The following PLXDC2 variants were observed in gnomAD, a reference collection of about 807,000 sequenced individuals.
The protein encoded by PLXDC2 is plexin domain containing 2.
Under a neutral mutation model 68.9 loss-of-function variants are expected in PLXDC2, and 40 were observed. That is an observed-to-expected ratio of 0.58 (90% CI 0.45 to 0.76). The LOEUF is 0.76. Ranked by LOEUF, PLXDC2 falls within the 30% of genes least tolerant of loss-of-function variation. The pLI is 0.00. For synonymous variants in PLXDC2, 243 were observed against 234.2 expected (o/e 1.04, Z -0.34); for missense variants, 644 against 661.9 (o/e 0.97, Z 0.30).
chr10:20,019,192 C>A (rs1415578504), intron 2 of PLXDC2, among the ~76,000 whole-genome samples: 4 of 152,138 alleles, frequency 2.6e-5, no homozygotes, highest in African/African-American at 7.2e-5. Context: ...GTTTTAGGGG[C>A]AAACTTTGAC....
At chr10:19,841,448 AG>A (rs1836903349) in intron 1 of PLXDC2, among the ~76,000 whole-genome samples, 1 of 152,004 alleles carries the variant, frequency 6.6e-6, no homozygotes, top group African/African-American at 2.4e-5. Flanking sequence ...TAGATATTTT[AG>A]AAGATACAAA....
At chr10:20,138,373 C>A (rs1833960081) in intron 4 of PLXDC2, among the ~76,000 whole-genome samples, 2 of 152,034 alleles carry the variant, frequency 1.3e-5, no homozygotes, top group African/African-American at 4.8e-5. Flanking sequence ...TAGAAATGAC[C>A]TCAAGAGAAG....
chr10:20,018,899 G>A (rs907770610), intron 2 of PLXDC2, among the ~76,000 whole-genome samples: 1 of 152,074 alleles, frequency 6.6e-6, no homozygotes, highest in African/African-American at 2.4e-5. Flanking sequence ...TATGTGGATC[G>A]AGTATATATA....
intron 4 of PLXDC2, among the ~76,000 whole-genome samples, chr10:20,106,355 G>C (rs545833709): frequency 6.6e-6 from 1 of 152,308 alleles, no homozygotes; most frequent in African/African-American, 2.4e-5. Context: ...TAGGGTCTTT[G>C]TCTCTGTCAT....
intron 12 of PLXDC2, among the ~76,000 whole-genome samples, chr10:20,238,677 G>GTGTATATATATATATATATATATATATA (rs1554777563): frequency 1.4e-4 from 11 of 76,902 alleles, no homozygotes; most frequent in East Asian, 7.0e-4. Flanking sequence ...ATATATATAT[G>GTGTATATATATATATATATATATATATA]TATATATATA....
chr10:20,170,347 G>A (rs950266989), intron 7 of PLXDC2, among the ~76,000 whole-genome samples: 4 of 151,968 alleles, frequency 2.6e-5, no homozygotes, highest in Non-Finnish European at 4.4e-5. Context: ...CATCCACCAC[G>A]CCCAGCTAAT....
intron 13 of PLXDC2, among the ~76,000 whole-genome samples, chr10:20,275,077 T>A (rs1835988905): frequency 6.6e-6 from 1 of 151,972 alleles, no homozygotes; most frequent in Non-Finnish European, 1.5e-5. Context: ...GAGAAAAAAA[T>A]TCCTTCCCTT....
intron 1 of PLXDC2, among the ~76,000 whole-genome samples, chr10:19,915,886 A>AAGAAG (rs769214921): frequency 1.4e-5 from 2 of 144,102 alleles, no homozygotes; most frequent in Non-Finnish European, 1.6e-5. Flanking sequence ...AGAAGAAGAA[A>AAGAAG]AAAAACAGCT....
chr10:20,055,562 G>A (rs990702351), intron 3 of PLXDC2, among the ~76,000 whole-genome samples: 1 of 152,046 alleles, frequency 6.6e-6, no homozygotes, highest in Non-Finnish European at 1.5e-5. Flanking sequence ...ACAGTAGGTT[G>A]CTTTTTATTT....
chr10:20,113,446 G>T (rs1049524275), intron 4 of PLXDC2, among the ~76,000 whole-genome samples: 1 of 152,012 alleles, frequency 6.6e-6, no homozygotes, highest in Non-Finnish European at 1.5e-5. Context: ...CCATCAGGAC[G>T]TTGGTTCTAC....
intron 6 of PLXDC2, among the ~76,000 whole-genome samples, chr10:20,162,909 C>CAAAAAAA (rs71390763): frequency 9.2e-5 from 9 of 98,034 alleles, no homozygotes; most frequent in African/African-American, 1.6e-4. Flanking sequence ...ACTAAAAATA[C>CAAAAAAA]AAAAAAAAAA....
intron 2 of PLXDC2, among the ~76,000 whole-genome samples, chr10:20,036,355 C>A (rs1048772292): frequency 1.3e-5 from 2 of 152,140 alleles, no homozygotes; most frequent in African/African-American, 2.4e-5. Context: ...GAGAAAGCAG[C>A]CCTTTACAAG....
intron 9 of PLXDC2, among the ~76,000 whole-genome samples, chr10:20,187,991 A>G (rs949923138): frequency 5.9e-5 from 9 of 151,944 alleles, no homozygotes; most frequent in African/African-American, 1.7e-4. Flanking sequence ...TTCTTTTTAT[A>G]TTCAATACTC....
At chr10:19,967,814 C>T (rs1039970899) in intron 1 of PLXDC2, among the ~76,000 whole-genome samples, 5 of 152,066 alleles carry the variant, frequency 3.3e-5, no homozygotes, top group African/African-American at 7.2e-5. Context: ...CTATATTGAC[C>T]GAAGTTTGCT....
chr10:20,260,633 T>A (rs761148757), intron 13 of PLXDC2, among the ~76,000 whole-genome samples: 2 of 152,226 alleles, frequency 1.3e-5, no homozygotes, highest in African/African-American at 2.4e-5. Flanking sequence ...TTTTGGCCAC[T>A]ATGAATAATG....
At chr10:19,906,184 G>A (rs750543117) in intron 1 of PLXDC2, among the ~76,000 whole-genome samples, 8 of 152,166 alleles carry the variant, frequency 5.3e-5, no homozygotes, top group Non-Finnish European at 1.2e-4. Flanking sequence ...GTGTGTGCAT[G>A]TGTATGTGCA....
intron 1 of PLXDC2, among the ~76,000 whole-genome samples, chr10:19,875,189 G>C (rs1007870535): frequency 6.6e-6 from 1 of 152,154 alleles, no homozygotes; most frequent in Non-Finnish European, 1.5e-5. Context: ...TGGTGCAGAA[G>C]GCAGAATTGT....
intron 2 of PLXDC2, among the ~76,000 whole-genome samples, chr10:20,009,762 A>G (rs999644305): frequency 3.3e-5 from 5 of 149,762 alleles, no homozygotes; most frequent in African/African-American, 1.2e-4. Context: ...TTACACAGAT[A>G]ACCAGGAGCA....
chr10:20,224,467 C>G (rs1271490967), intron 12 of PLXDC2, among the ~76,000 whole-genome samples: 1 of 152,156 alleles, frequency 6.6e-6, no homozygotes. Flanking sequence ...TATTAAATGT[C>G]TTCTTTGACA....
Sources: allele counts gnomAD v4.1 joint callset (sites outside exome capture counted in the v4.1 genomes callset), GRCh38; gene constraint gnomAD v4.1.1; transcripts MANE v1.5; gene names NCBI Gene and HGNC (gene_info 2026-07-23, HGNC 2026-07-21).